Variants in LHCGR observed in about 807,000 individuals in gnomAD.
LHCGR encodes the protein luteinizing hormone/choriogonadotropin receptor.
Under a neutral mutation model 60.7 loss-of-function variants are expected in LHCGR, and 55 were observed. That is an observed-to-expected ratio of 0.91 (90% CI 0.73 to 1.13). LHCGR has a LOEUF of 1.13. Ranked by LOEUF, LHCGR falls within the 50% of genes most tolerant of loss-of-function variation. The pLI, the probability that LHCGR is intolerant of heterozygous loss-of-function variation, is 0.00. For missense variants in LHCGR, 862 were observed against 836.0 expected, an observed-to-expected ratio of 1.03 and a Z score of -0.38; for synonymous variants, 337 against 316.5, an observed-to-expected ratio of 1.06 and a Z score of -0.69.
At chr2:48,714,502 T>A (rs1668146808) in intron 6 of LHCGR, among the ~76,000 whole-genome samples, 1 of 150,710 alleles carries the variant, frequency 6.6e-6, no homozygotes, top group African/African-American at 2.4e-5. Flanking sequence ...TTTTTTTTCT[T>A]GGATGAGTAT....
At chr2:48,704,777 T>C (rs1407793587) in intron 8 of LHCGR, among the ~76,000 whole-genome samples, 1 of 152,200 alleles carries the variant, frequency 6.6e-6, no homozygotes, top group Non-Finnish European at 1.5e-5. Flanking sequence ...GATTCTTCTC[T>C]CTTTTCTTCT....
intron 1 of LHCGR, chr2:48,732,964 G>A (rs748970055): frequency 9.4e-6 from 5 of 533,518 alleles, no homozygotes; most frequent in Non-Finnish European, 1.5e-5. Context: ...CAGGGACAGT[G>A]TGGGAAGAAA....
At chr2:48,702,001 G>A (rs546118011) in intron 8 of LHCGR, among the ~76,000 whole-genome samples, 3 of 152,286 alleles carry the variant, frequency 2.0e-5, no homozygotes, top group Admixed American at 6.5e-5. Flanking sequence ...TGTTCACCAC[G>A]GTGCCTGGTA....
In LHCGR at chr2:48,694,240, C is replaced by G. The variant is rs1209493854; in HGVS notation, c.931G>C (p.Val311Leu). Residue 311 changes from valine to leucine, a missense_variant, in exon 10 of 11, where the codon GTG becomes CTG. Val to Leu is a conservative substitution (Grantham distance 32). Coordinates refer to ENST00000294954, the MANE Select transcript of LHCGR (RefSeq NM_000233.4). ...SKQCESTVRK[V>L]NNKTLYSSML... is the part of the protein sequence containing the mutation. Reference sequence around the variant, plus strand: ...AATACTTACAGTGTTTTGTTATTCACTTTCCTTACTGTGCTTTCACATTGT... The same window carrying G: ...AATACTTACAGTGTTTTGTTATTCAGTTTCCTTACTGTGCTTTCACATTGT... 1 of 1,584,866 alleles carries G rather than the reference C, an allele frequency of 6.3e-7. No individual in the cohort carries two copies. The highest frequency in any genetic ancestry group is 1.3e-5 in the African/African-American group (1 of 74,574).
intron 8 of LHCGR, among the ~76,000 whole-genome samples, chr2:48,701,375 T>G (rs1572830637): frequency 1.3e-5 from 2 of 152,196 alleles, no homozygotes; most frequent in Admixed American, 6.5e-5. Flanking sequence ...CCTTATATTC[T>G]GTGATTCCCT....
intron 8 of LHCGR, among the ~76,000 whole-genome samples, chr2:48,699,065 C>T (rs1667273597): frequency 6.6e-6 from 1 of 152,072 alleles, no homozygotes; most frequent in Non-Finnish European, 1.5e-5. Context: ...ACCTCGTGAT[C>T]CGCCCACCTC....
chr2:48,714,740 TAC>T (rs113272578), intron 6 of LHCGR, among the ~76,000 whole-genome samples: 9 of 151,744 alleles, frequency 5.9e-5, no homozygotes, highest in African/African-American at 2.2e-4. Context: ...TACCTATAAA[TAC>T]ACACACACAC....
rs997401299 is a variant in LHCGR, at chr2:48,704,266, TC to T, written c.680+4681del. On this transcript the variant is annotated intron_variant, in intron 8 of 10. Transcript: ENST00000294954. ...ACTTGATTGTGGTGGATAAGCTTTT[TC>T]ATGTGCTGCTGGATTTGGTTTGCCA... 2.8e-4 allele frequency among the ~76,000 whole-genome samples: 42 copies of T among 152,210 alleles called. 1 individual carries two copies. The highest frequency in any genetic ancestry group is 8.7e-4 in the African/African-American group (36 of 41,450).
chr2:48,709,536 A>G (rs898100296), intron 7 of LHCGR, among the ~76,000 whole-genome samples: 2 of 152,158 alleles, frequency 1.3e-5, no homozygotes, highest in Admixed American at 6.5e-5. Flanking sequence ...TTTCTTTCAG[A>G]TATGCATTTC....
chr2:48,702,905 C>G lies in LHCGR; in HGVS notation c.681-4105G>C, dbSNP rs545784464. Among the ~76,000 whole-genome samples the G allele has an allele frequency of 2.6e-5, 4 of 152,310 alleles. No homozygotes were observed. In the East Asian group the frequency reaches 7.7e-4, roughly 29 times the overall value. ...TCCCACCAACAGTGTAAAAGTGTTC[C>G]TATTCCTCCACATCCTCTCCAGCAT... On this transcript the variant is annotated intron_variant, in intron 8 of 10. Transcript: ENST00000294954.
chr2:48,688,660 A>C lies in LHCGR; in HGVS notation c.1137T>G (p.Thr379=). 1 of 1,614,216 alleles carries C rather than the reference A, an allele frequency of 6.2e-7. No individual in the cohort carries two copies. Among genetic ancestry groups the C allele is most frequent in the Non-Finnish European group, 8.5e-7 (1 of 1,180,030 alleles). Residue 379 remains threonine (T), a synonymous_variant, in exon 11 of 11, where the codon ACT becomes ACG. Coordinates refer to ENST00000294954, the MANE Select transcript of LHCGR (RefSeq NM_000233.4). This position sits in a 1 kb window ranked among gnomAD's most constrained non-coding sequence, Gnocchi z 5.2. ...GACTTGTCAGGAGAACAAAAAGAAC[A>C]GTCATGTTTCCCATGATGGCTAGAA... ...INILAIMGNM[T]VLFVLLTSRY...
intron 4 of LHCGR, among the ~76,000 whole-genome samples, chr2:48,724,782 T>C (rs1668646506): frequency 6.6e-6 from 1 of 152,158 alleles, no homozygotes; most frequent in Non-Finnish European, 1.5e-5. Context: ...CACCTGAGTT[T>C]GGAATTGTTC....
At chr2:48,694,584 A>G (rs997180448) in intron 9 of LHCGR, among the ~76,000 whole-genome samples, 1 of 152,078 alleles carries the variant, frequency 6.6e-6, no homozygotes, top group Admixed American at 6.6e-5. Context: ...TGAATCAAGG[A>G]TTTTCCAATG....
chr2:48,707,983 G>A (rs537820556), intron 8 of LHCGR, among the ~76,000 whole-genome samples: 1 of 152,170 alleles, frequency 6.6e-6, no homozygotes, highest in African/African-American at 2.4e-5. Context: ...TGTGCTCCCT[G>A]GGTGAGGTGA....
intron 9 of LHCGR, among the ~76,000 whole-genome samples, chr2:48,695,957 C>T (rs1667097456): frequency 6.6e-6 from 1 of 151,698 alleles, no homozygotes; most frequent in Non-Finnish European, 1.5e-5. Context: ...TTCCTGGATG[C>T]AATATACTCA....
chr2:48,719,470 G>T (rs1226774996), intron 6 of LHCGR, among the ~76,000 whole-genome samples: 1 of 152,096 alleles, frequency 6.6e-6, no homozygotes, highest in Non-Finnish European at 1.5e-5. Flanking sequence ...CCATTTCTTT[G>T]TGGAGTTAAG....
intron 8 of LHCGR, 98 bp from the exon 9 acceptor site, chr2:48,698,898 G>A: frequency 2.0e-6 from 2 of 988,424 alleles, no homozygotes; most frequent in Non-Finnish European, 3.0e-6. Context: ...CTGGAGTGCA[G>A]TGGCACGACC....
chr2:48,711,485 C>A (rs1228841621), intron 7 of LHCGR, among the ~76,000 whole-genome samples: 1 of 152,244 alleles, frequency 6.6e-6, no homozygotes, highest in African/African-American at 2.4e-5. Context: ...TTCTTGATTT[C>A]CTCTTTCTTG....
At chr2:48,731,201 C>G (rs753578761) in intron 2 of LHCGR, 26 bp downstream of exon 2, 1 of 1,463,976 alleles carries the variant, frequency 6.8e-7, no homozygotes, top group Non-Finnish European at 9.6e-7. Context: ...TTACGAATGT[C>G]TTTTGATATG....
Sources: allele counts gnomAD v4.1 joint callset (sites outside exome capture counted in the v4.1 genomes callset), GRCh38; gene constraint gnomAD v4.1.1; non-coding constraint Gnocchi (gnomAD v3.1); transcripts MANE v1.5; gene names NCBI Gene and HGNC (gene_info 2026-07-23, HGNC 2026-07-21).